SOS1: variants seen among roughly 807,000 people sequenced by gnomAD.
SOS1 encodes the protein son of sevenless homolog 1.
Under a neutral mutation model 157.6 loss-of-function variants are expected in SOS1, and 25 were observed. The observed-to-expected ratio is 0.16, with a 90% CI of 0.12 to 0.22. The LOEUF (loss-of-function observed/expected upper bound fraction) is 0.22, where lower values mean the gene tolerates loss of function less well. SOS1 is among the 10% of genes least tolerant of loss of function. The probability of loss-of-function intolerance (pLI) is 1.00; values close to 1 mark genes in which losing one functional copy is unlikely to be tolerated. For missense variants in SOS1, 1,237 were observed against 1,599.1 expected (o/e 0.77, Z 3.86); for synonymous variants, 528 against 534.0 (o/e 0.99, Z 0.16).
chr2:39,004,156 C>T (rs1163600491), intron 17 of SOS1, among the ~76,000 whole-genome samples: 4 of 152,064 alleles, frequency 2.6e-5, no homozygotes, highest in African/African-American at 7.2e-5. Flanking sequence ...TGGCTCAAGC[C>T]TGTAATCCCA....
chr2:39,026,554 G>GA (rs1181994040), intron 8 of SOS1, among the ~76,000 whole-genome samples: 2 of 152,122 alleles, frequency 1.3e-5, no homozygotes, highest in African/African-American at 4.8e-5. Context: ...GGTTCATAAA[G>GA]AAAGATACTA....
intron 8 of SOS1, among the ~76,000 whole-genome samples, chr2:39,025,911 T>G: frequency 6.6e-6 from 1 of 152,362 alleles, no homozygotes; most frequent in East Asian, 1.9e-4. Flanking sequence ...GGTCAAATAT[T>G]CTAGAAGTAA....
chr2:39,033,112 C>A, intron 8 of SOS1, among the ~76,000 whole-genome samples: 1 of 148,636 alleles, frequency 6.7e-6, no homozygotes. Context: ...CTCTTTTTGC[C>A]CAGGCTGAAG....
chr2:39,075,741 G>A (rs1558502190), intron 1 of SOS1, among the ~76,000 whole-genome samples: 1 of 151,702 alleles, frequency 6.6e-6, no homozygotes, highest in Non-Finnish European at 1.5e-5. Context: ...AAAAAGAGAA[G>A]GCACAAATAC....
At chr2:38,995,875 A>G (rs1668874955) in intron 19 of SOS1, among the ~76,000 whole-genome samples, 1 of 152,126 alleles carries the variant, frequency 6.6e-6, no homozygotes, top group Non-Finnish European at 1.5e-5. Flanking sequence ...GTTTTATTGC[A>G]TTTTCCTTGC....
At chr2:39,057,026 T>A (rs1426617373) in intron 3 of SOS1, among the ~76,000 whole-genome samples, 160 bp from the exon 4 acceptor site, 1 of 152,170 alleles carries the variant, frequency 6.6e-6, no homozygotes, top group Non-Finnish European at 1.5e-5. Flanking sequence ...CAATGAATAA[T>A]ATATGTATTA....
chr2:39,070,412 T>C (rs1671756436), intron 1 of SOS1, among the ~76,000 whole-genome samples: 1 of 152,148 alleles, frequency 6.6e-6, no homozygotes, highest in South Asian at 2.1e-4. Flanking sequence ...TTATTCCTTT[T>C]CCATGTCCTT....
intron 1 of SOS1, among the ~76,000 whole-genome samples, chr2:39,091,439 C>A (rs1244098828): frequency 6.6e-6 from 1 of 152,062 alleles, no homozygotes; most frequent in African/African-American, 2.4e-5. Flanking sequence ...TCAACTTTCC[C>A]ATAGGTATAA....
intron 4 of SOS1, among the ~76,000 whole-genome samples, chr2:39,056,235 T>G (rs1671205615): frequency 6.6e-6 from 1 of 152,016 alleles, no homozygotes; most frequent in Admixed American, 6.6e-5. Flanking sequence ...ACCAACATGG[T>G]GGAACCCTGT....
At chr2:39,078,890 T>A (rs1457694979) in intron 1 of SOS1, among the ~76,000 whole-genome samples, 2 of 151,928 alleles carry the variant, frequency 1.3e-5, no homozygotes, top group African/African-American at 4.8e-5. Context: ...TGAAACCCTG[T>A]CTCCACTAAA....
At chr2:39,034,714 A>T (rs1374087412) in intron 8 of SOS1, 3 of 415,728 alleles carry the variant, frequency 7.2e-6, no homozygotes, top group Non-Finnish European at 1.5e-5. Context: ...TAAAGTAATG[A>T]TAAACAGTTT....
At position 39,008,054 on chromosome 2, in the gene SOS1, G is replaced by A. The variant is rs1245801154; in HGVS notation, c.2511-861C>T. 5.3e-5 allele frequency among the ~76,000 whole-genome samples: 8 copies of A among 152,138 alleles called. No homozygotes were observed. In the South Asian group the frequency reaches 6.2e-4, roughly 12 times the overall value. On this transcript the variant is annotated intron_variant, in intron 15 of 22. Coordinates refer to ENST00000402219, the MANE Select transcript of SOS1 (RefSeq NM_005633.4). ...CTGCAGTCAAGAACACCTAGCTCCC[G>A]GTGAGGTGCAGGAGCAGGACTTCAG... is the stretch of plus-strand genomic sequence containing the variant.
intron 16 of SOS1, 50 bp from the exon 17 acceptor site, chr2:39,006,579 T>C (rs368977522): frequency 4.3e-6 from 4 of 937,724 alleles, no homozygotes; most frequent in Non-Finnish European, 7.0e-6. Context: ...TCAAAGGTCT[T>C]GTCAAAAAAA....
chr2:38,984,865 C>T lies in SOS1; in HGVS notation c.*959G>A, dbSNP rs1668507183. The T allele has an allele frequency of 6.6e-6, 1 of 152,164 alleles. No homozygotes were observed. The highest frequency in any genetic ancestry group is 2.4e-5 in the African/African-American group (1 of 41,434). 9.4% of individuals were successfully genotyped at this position (152,164 alleles called of 1,614,324 possible). A position where few individuals can be genotyped will look rare whatever the true frequency, so the allele number is the denominator to read the frequency against. Reference sequence around the variant, plus strand: ...GCTGATTACTCAACTATGTGTAAAACATGAGCGGTGTCAGTGATGCCCAGC... The same window carrying T: ...GCTGATTACTCAACTATGTGTAAAATATGAGCGGTGTCAGTGATGCCCAGC... On this transcript the variant is annotated 3_prime_UTR_variant, in exon 23 of 23. Coordinates refer to ENST00000402219, the MANE Select transcript of SOS1 (RefSeq NM_005633.4).
chr2:39,112,721 T>G (rs1572901410), intron 1 of SOS1, among the ~76,000 whole-genome samples: 1 of 152,168 alleles, frequency 6.6e-6, no homozygotes. Flanking sequence ...TAAAAAAAAT[T>G]TGCCTTTCAT....
rs114081585 is a variant in SOS1, at chr2:39,104,683, T to C, written c.87+15653A>G. On this transcript the variant is annotated intron_variant, in intron 1 of 22. Transcript: ENST00000402219. ...GCCAATGTTCACTGCAGTATCCAGT[T>C]TAGCCAAAAGGTGCAAAATGTCCAC... Among the ~76,000 whole-genome samples, 554 of 152,342 alleles carry C rather than the reference T, an allele frequency of 3.6e-3. 3 individuals carry two copies. The highest frequency in any genetic ancestry group is 0.013 in the African/African-American group (527 of 41,570).
chr2:39,054,916 T>G (rs1671153950), intron 4 of SOS1, 93 bp from the exon 5 acceptor site: 1 of 753,880 alleles, frequency 1.3e-6, no homozygotes, highest in Non-Finnish European at 2.3e-6. Flanking sequence ...ATAAAGTTCT[T>G]AAATGATAAA....
chr2:39,058,870 T>G, intron 2 of SOS1, 66 bp from the exon 3 acceptor site: 2 of 1,319,562 alleles, frequency 1.5e-6, no homozygotes, highest in Non-Finnish European at 2.1e-6. Flanking sequence ...ACTTAAAATT[T>G]ACTTTTAAAA....
At chr2:39,109,781 A>G (rs1392916490) in intron 1 of SOS1, among the ~76,000 whole-genome samples, 4 of 152,212 alleles carry the variant, frequency 2.6e-5, no homozygotes, top group Non-Finnish European at 5.9e-5. Context: ...CATGTACACA[A>G]TATTGCCTAG....
Sources: allele counts gnomAD v4.1 joint callset (sites outside exome capture counted in the v4.1 genomes callset), GRCh38; gene constraint gnomAD v4.1.1; transcripts MANE v1.5; gene names NCBI Gene and HGNC (gene_info 2026-07-23, HGNC 2026-07-21).